Variants in MSL2 observed in about 807,000 individuals in gnomAD.
MSL2 encodes E3 ubiquitin-protein ligase MSL2.
In MSL2, 2 loss-of-function variants were observed where a neutral mutation model predicts 35.8. That is an observed-to-expected ratio of 0.06 (90% CI 0.02 to 0.18). The LOEUF (loss-of-function observed/expected upper bound fraction) is 0.18. Ranked by LOEUF, MSL2 falls within the 10% of genes least tolerant of loss-of-function variation. The pLI is 1.00. For missense variants in MSL2, 523 were observed against 706.7 expected, an observed-to-expected ratio of 0.74 and a Z score of 2.95; for synonymous variants, 296 against 255.7, an observed-to-expected ratio of 1.16 and a Z score of -1.50.
intron 1 of MSL2, chr3:136,194,369 GA>G (rs754904822): frequency 8.2e-6 from 8 of 976,106 alleles, no homozygotes; most frequent in Non-Finnish European, 8.5e-6. Flanking sequence ...ACCACAAAAT[GA>G]AAAAGTGGTA....
chr3:136,168,371 C>CA, intron 1 of MSL2, among the ~76,000 whole-genome samples: 1 of 152,142 alleles, frequency 6.6e-6, no homozygotes, highest in South Asian at 2.1e-4. Flanking sequence ...TTAAAATACT[C>CA]AAAAAAATTA....
chr3:136,152,599 C>T lies in MSL2; in HGVS notation c.282G>A (p.Lys94=). The T allele has an allele frequency of 6.2e-7, 1 of 1,614,182 alleles. No individual in the cohort carries two copies. The highest frequency in any genetic ancestry group is 1.1e-5 in the South Asian group (1 of 91,080). The change falls in exon 2 of 2, where the codon AAG becomes AAA. Residue 94 remains lysine, a synonymous_variant. Coordinates refer to ENST00000309993, the MANE Select transcript of MSL2 (RefSeq NM_018133.4). ...AGCAGTTCACTAGGATGCTTAACTG[C>T]TTGTTTTCCTCAAACTGCTCATAGT... ...CKDYEQFEEN[K]QLSILVNCYK... is the part of the protein sequence containing the mutation.
rs562606581 is a variant in MSL2, at chr3:136,189,014, A to C, written c.142+5958T>G. On this transcript the variant is annotated intron_variant, in intron 1 of 1. Coordinates refer to ENST00000309993, the MANE Select transcript of MSL2 (RefSeq NM_018133.4). ...GCATAAATATACCCAAGTAGAAGCAAATATTTTAGAACTTTTATAGATTTT... is the reference window on the plus strand; with the variant it reads ...GCATAAATATACCCAAGTAGAAGCACATATTTTAGAACTTTTATAGATTTT... 8.6e-5 allele frequency among the ~76,000 whole-genome samples: 13 copies of C among 150,754 alleles called. No individual in the cohort carries two copies. The South Asian group carries it at 2.7e-3, about 32-fold the overall frequency.
intron 1 of MSL2, among the ~76,000 whole-genome samples, chr3:136,189,077 G>C (rs1260560391): frequency 1.7e-5 from 2 of 118,534 alleles, no homozygotes; most frequent in African/African-American, 6.5e-5. Context: ...GATCATACAA[G>C]CCTGGGCAAC....
chr3:136,152,100 T>G lies in MSL2; in HGVS notation c.781A>C (p.Lys261Gln). 6.2e-7 allele frequency: 1 copy of G among 1,614,186 alleles called. No homozygotes were observed. ...CTCAGTAACAGAGAGTCTCCAGGTT[T>G]TATATCTTCACTGAAACTGCAGATA... Reference protein sequence around the residue: ...IDICSFSEDIKPGDSLLLSVE... With the variant: ...IDICSFSEDIQPGDSLLLSVE... Residue 261 changes from lysine to glutamine, a missense_variant, in exon 2 of 2, where the codon AAA (lysine) becomes CAA (glutamine). Physicochemically the swap from Lys to Gln is moderately conservative, Grantham distance 53. This residue lies in a region of MSL2 where 361 missense variants were observed against 414.6 expected (regional missense o/e 0.87). Coordinates refer to ENST00000309993, the MANE Select transcript of MSL2 (RefSeq NM_018133.4).
chr3:136,149,108 C>A lies in MSL2; in HGVS notation c.*2039G>T, dbSNP rs1356711510. On this transcript the variant is annotated 3_prime_UTR_variant, in exon 2 of 2. Coordinates refer to ENST00000309993, the MANE Select transcript of MSL2 (RefSeq NM_018133.4). ...TTTCCACTTTGTCTATATTGCCAAC[C>A]TCCCATGCATCAAAAAAAAAAAAAA... is the stretch of plus-strand genomic sequence containing the variant. 1 of 150,114 alleles carries A rather than the reference C, an allele frequency of 6.7e-6. No individual in the cohort carries two copies. The highest frequency in any genetic ancestry group is 1.5e-5 in the Non-Finnish European group (1 of 67,610). The allele number at this position is 150,114 out of a possible 1,614,324, so 9.3% of individuals were successfully genotyped here.
intron 1 of MSL2, among the ~76,000 whole-genome samples, chr3:136,186,650 T>C (rs1056888578): frequency 6.6e-6 from 1 of 152,230 alleles, no homozygotes; most frequent in Admixed American, 6.5e-5. Flanking sequence ...TAATGCTTGA[T>C]GATCTGTCAC....
At chr3:136,162,597 G>C (rs575780722) in intron 1 of MSL2, among the ~76,000 whole-genome samples, 61 of 152,068 alleles carry the variant, frequency 4.0e-4, no homozygotes, top group Admixed American at 2.4e-3. Context: ...AAATAAAAGG[G>C]CTACCAATTA....
At chr3:136,169,582 G>A (rs868867114) in intron 1 of MSL2, among the ~76,000 whole-genome samples, 1 of 151,954 alleles carries the variant, frequency 6.6e-6, no homozygotes, top group Non-Finnish European at 1.5e-5. Flanking sequence ...CTGAGTAACT[G>A]GGATTACAGG....
chr3:136,155,360 T>C (rs1456209495), intron 1 of MSL2, among the ~76,000 whole-genome samples: 3 of 151,658 alleles, frequency 2.0e-5, no homozygotes, highest in Non-Finnish European at 2.9e-5. Context: ...CAAAATTAGC[T>C]GGGCATGGTG....
intron 1 of MSL2, among the ~76,000 whole-genome samples, chr3:136,179,824 T>A (rs190739548): frequency 3.3e-5 from 5 of 152,324 alleles, no homozygotes; most frequent in Admixed American, 3.3e-4. Flanking sequence ...CACAGCACTT[T>A]GGGAGGCCAA....
intron 1 of MSL2, among the ~76,000 whole-genome samples, chr3:136,157,277 C>T (rs1283280853): frequency 1.7e-5 from 2 of 117,668 alleles, no homozygotes; most frequent in Non-Finnish European, 3.4e-5. Flanking sequence ...GTCAGGAAGG[C>T]GGGCCAATCA....
rs934031493 is a variant in MSL2, at chr3:136,194,488, T to C, written c.142+484A>G. 8.1e-6 allele frequency: 8 copies of C among 984,958 alleles called. No individual in the cohort carries two copies. The African/African-American group carries it at 1.4e-4, about 17-fold the overall frequency. 61.0% of individuals were successfully genotyped at this position (984,958 alleles called of 1,614,324 possible). ...ATTTGTGGAGGAACCTGGGGCAAAG[T>C]TCCGCGCCGGGTTCTCCAGCTGTGG... On this transcript the variant is annotated intron_variant, in intron 1 of 1. Transcript: ENST00000309993.
At chr3:136,166,773 A>T (rs1939866777) in intron 1 of MSL2, among the ~76,000 whole-genome samples, 1 of 152,212 alleles carries the variant, frequency 6.6e-6, no homozygotes, top group South Asian at 2.1e-4. Context: ...CCTCCTTAGC[A>T]CAGATAAACA....
Position 136,150,369 on chromosome 3 carries a change from T to TA in MSL2, c.*777dup, listed in dbSNP as rs1381743028. The TA allele has an allele frequency of 1.3e-5, 2 of 152,498 alleles. No individual in the cohort carries two copies. The highest frequency in any genetic ancestry group is 4.8e-5 in the African/African-American group (2 of 41,422). The allele number at this position is 152,498 out of a possible 1,614,324, so 9.4% of individuals were successfully genotyped here. ...ACTAAATAAAATCTTTTTATAATTT[T>TA]AAAAAAATTCTGTCACATACTACAT... is the stretch of plus-strand genomic sequence containing the variant. On this transcript the variant is annotated 3_prime_UTR_variant, in exon 2 of 2. Coordinates refer to ENST00000309993, the MANE Select transcript of MSL2 (RefSeq NM_018133.4).
In MSL2 at chr3:136,195,833, C is replaced by T. The variant is rs937555880; in HGVS notation, c.-720G>A. The T allele has an allele frequency of 8.1e-6, 8 of 984,340 alleles. No individual in the cohort carries two copies. In the African/African-American group the frequency reaches 1.1e-4, roughly 13 times the overall value. 61.0% of individuals were successfully genotyped at this position (984,340 alleles called of 1,614,324 possible). A position where few individuals can be genotyped will look rare whatever the true frequency, so the allele number is the denominator to read the frequency against. Reference sequence around the variant, plus strand: ...GAGTCCTCAACCCGGAGGGGAAGGCCGGGGAGGAAGTGCGCGGGCCGCCGC... The same window carrying T: ...GAGTCCTCAACCCGGAGGGGAAGGCTGGGGAGGAAGTGCGCGGGCCGCCGC... On this transcript the variant is annotated 5_prime_UTR_variant, in exon 1 of 2. Coordinates refer to ENST00000309993, the MANE Select transcript of MSL2 (RefSeq NM_018133.4).
At chr3:136,156,978 ATATTG>A (rs1381581028) in intron 1 of MSL2, among the ~76,000 whole-genome samples, 1 of 152,258 alleles carries the variant, frequency 6.6e-6, no homozygotes, top group Non-Finnish European at 1.5e-5. Context: ...ATAAAACTAC[ATATTG>A]TAAAGCCCAT....
intron 1 of MSL2, among the ~76,000 whole-genome samples, chr3:136,169,418 C>T (rs1434773734): frequency 6.6e-6 from 1 of 152,028 alleles, no homozygotes; most frequent in Non-Finnish European, 1.5e-5. Flanking sequence ...ATTCCAAATC[C>T]ACTCCTATTA....
intron 1 of MSL2, among the ~76,000 whole-genome samples, chr3:136,172,091 G>T (rs147350312): frequency 6.6e-6 from 1 of 152,100 alleles, no homozygotes; most frequent in Non-Finnish European, 1.5e-5. Context: ...GATTACAGGC[G>T]TGAGCCACCG....
Sources: allele counts gnomAD v4.1 joint callset (sites outside exome capture counted in the v4.1 genomes callset), GRCh38; gene constraint gnomAD v4.1.1; regional missense constraint gnomAD v4.1.1; transcripts MANE v1.5; gene names NCBI Gene and HGNC (gene_info 2026-07-23, HGNC 2026-07-21).